Variants in AIRE observed in about 807,000 individuals in gnomAD.
AIRE encodes autoimmune regulator.
In AIRE, 52 loss-of-function variants were observed where a neutral mutation model predicts 62.1. The observed-to-expected ratio is 0.84, with a 90% CI of 0.67 to 1.06. The LOEUF (loss-of-function observed/expected upper bound fraction) is 1.06. Among genes scored for constraint, AIRE ranks in the 50% least tolerant of loss-of-function variants. The pLI, the probability that AIRE is intolerant of heterozygous loss-of-function variation, is 0.00. For missense variants in AIRE, 774 were observed against 755.8 expected (o/e 1.02, Z -0.28); for synonymous variants, 342 against 321.6 (o/e 1.06, Z -0.68).
rs1361572293 is a variant in AIRE, at chr21:44,287,543, A to G, written c.490A>G (p.Lys164Glu). ...PGSQLKAKPP[K>E]KPESSAEQQR... ...CTCTCAACTGAAGGCCAAGCCCCCC[A>G]AGAAGCCGGAGAGCAGCGCAGAGCA... is the stretch of plus-strand genomic sequence containing the variant. Residue 164 changes from lysine to glutamate, a missense_variant, in exon 4 of 14, where the codon AAG (lysine) becomes GAG (glutamate). Around this residue, in one of 3 missense-constraint regions of AIRE, gnomAD observed 385 missense variants for 396.0 expected, o/e 0.97. Coordinates refer to ENST00000291582, the MANE Select transcript of AIRE (RefSeq NM_000383.4). This position sits in a 1 kb window ranked among gnomAD's most constrained non-coding sequence, Gnocchi z 4.3. 1 of 1,558,474 alleles carries G rather than the reference A, an allele frequency of 6.4e-7. No homozygotes were observed. Among genetic ancestry groups the G allele is most frequent in the Admixed American group, 1.9e-5 (1 of 52,028 alleles).
Position 44,286,003 on chromosome 21 carries a change from C to T in AIRE, c.-4C>T, listed in dbSNP as rs1004208577. ...CCCCAGCCCCGGGTCCCCGCGCCCACCCCATGGCGACGGACGCGGCGCTAC... is the reference window on the plus strand; with the variant it reads ...CCCCAGCCCCGGGTCCCCGCGCCCATCCCATGGCGACGGACGCGGCGCTAC... On this transcript the variant is annotated 5_prime_UTR_variant, in exon 1 of 14. Coordinates refer to ENST00000291582, the MANE Select transcript of AIRE (RefSeq NM_000383.4). The surrounding 1 kb of genome is among the most constrained non-coding windows in gnomAD (Gnocchi z 6.0). 6.5e-7 allele frequency: 1 copy of T among 1,530,102 alleles called. No homozygotes were observed. Among genetic ancestry groups the T allele is most frequent in the Admixed American group, 2.0e-5 (1 of 50,758 alleles). The allele number at this position is 1,530,102 out of a possible 1,614,324, so 94.8% of individuals were successfully genotyped here.
In AIRE at chr21:44,286,693, A is replaced by G. The variant is rs179363883; in HGVS notation, c.269A>G (p.Tyr90Cys). Residue 90 changes from tyrosine (Y) to cysteine (C), a missense_variant, in exon 2 of 14, where the codon TAT becomes TGT. By Grantham distance (194) the Tyr-to-Cys change is radical. Coordinates refer to ENST00000291582, the MANE Select transcript of AIRE (RefSeq NM_000383.4). The surrounding 1 kb of genome is among the most constrained non-coding windows in gnomAD (Gnocchi z 6.0). ...VLFKDYNLER[Y>C]GRLQPILDSF... The stretch of plus-strand genomic sequence containing the variant: ...TTCAAGGACTACAACCTGGAGCGCT[A>G]TGGCCGGCTGCAGCCCATCCTGGAC... The G allele has an allele frequency of 3.7e-6, 6 of 1,613,012 alleles. 1 individual carries two copies. The highest frequency in any genetic ancestry group is 8.5e-7 in the Non-Finnish European group (1 of 1,180,000).
intron 4 of AIRE, 79 bp from the exon 5 acceptor site, chr21:44,288,266 C>A: frequency 1.7e-6 from 2 of 1,202,924 alleles, no homozygotes; most frequent in Non-Finnish European, 2.5e-6. Context: ...CAGCCCAGTG[C>A]TGCCTGCTTC....
At position 44,297,241 on chromosome 21, in the gene AIRE, T is replaced by G. The variant is rs1424595720; in HGVS notation, c.1567-415T>G. Among the ~76,000 whole-genome samples, 1 of 152,202 alleles carries G rather than the reference T, an allele frequency of 6.6e-6. No homozygotes were observed. Among genetic ancestry groups the G allele is most frequent in the East Asian group, 1.9e-4 (1 of 5,188 alleles). ...GGGTGGCGGTCTTATTCTGCTGGCA[T>G]CGTGGGGCCCGTGGCCCCATCCTGT... On this transcript the variant is annotated intron_variant, in intron 13 of 13. Transcript: ENST00000291582. The surrounding 1 kb of genome is among the most constrained non-coding windows in gnomAD (Gnocchi z 4.8).
chr21:44,297,551 G>T lies in AIRE; in HGVS notation c.1567-105G>T. 1 of 1,112,230 alleles carries T rather than the reference G, an allele frequency of 9.0e-7. No individual in the cohort carries two copies. The highest frequency in any genetic ancestry group is 1.3e-5 in the South Asian group (1 of 77,636). 68.9% of individuals were successfully genotyped at this position (1,112,230 alleles called of 1,614,324 possible). A position where few individuals can be genotyped will look rare whatever the true frequency, so the allele number is the denominator to read the frequency against. On this transcript the variant is annotated intron_variant, in intron 13 of 13. Transcript: ENST00000291582. The surrounding 1 kb of genome is among the most constrained non-coding windows in gnomAD (Gnocchi z 4.8). Reference sequence around the variant, plus strand: ...CTCGGGCCTCAGTTTCCCCACCTTTGACTTAGAGGGAAGGTTGGATGGTGA... The same window carrying T: ...CTCGGGCCTCAGTTTCCCCACCTTTTACTTAGAGGGAAGGTTGGATGGTGA...
Position 44,291,319 on chromosome 21 carries a change from A to G in AIRE, c.995+109A>G, listed in dbSNP as rs1078480. On this transcript the variant is annotated intron_variant, in intron 8 of 13. Coordinates refer to ENST00000291582, the MANE Select transcript of AIRE (RefSeq NM_000383.4). ...CAAGCCTCTCCCATCCAAGATGGAA[A>G]GGGGTTCTGAGTCAGGTCACTGGGC... The G allele has an allele frequency of 0.41, 615,324 of 1,488,640 alleles. 132,415 individuals carry two copies. Among genetic ancestry groups the G allele is most frequent in the African/African-American group, 0.72 (51,835 of 72,072 alleles). 92.2% of individuals were successfully genotyped at this position (1,488,640 alleles called of 1,614,324 possible). A position where few individuals can be genotyped will look rare whatever the true frequency, so the allele number is the denominator to read the frequency against.
At position 44,286,911 on chromosome 21, in the gene AIRE, C is replaced by T; in HGVS notation, c.308-67C>T. The T allele has an allele frequency of 1.2e-6, 2 of 1,608,516 alleles. No homozygotes were observed. The highest frequency in any genetic ancestry group is 1.7e-6 in the Non-Finnish European group (2 of 1,176,678). On this transcript the variant is annotated intron_variant, in intron 2 of 13. Transcript: ENST00000291582. The surrounding 1 kb of genome is among the most constrained non-coding windows in gnomAD (Gnocchi z 6.0). The stretch of plus-strand genomic sequence containing the variant: ...ACCTGTCTGGCCAAGGTGTCCAGTT[C>T]TGGGGCCCACCCTACCCCTGGAGAA...
At chr21:44,295,911 G>A (rs1176202154) in intron 12 of AIRE, among the ~76,000 whole-genome samples, 1 of 152,068 alleles carries the variant, frequency 6.6e-6, no homozygotes, top group East Asian at 1.9e-4. Flanking sequence ...GGCCACAAAT[G>A]GGGAATTCCA....
chr21:44,287,698 C>A lies in AIRE; in HGVS notation c.538+107C>A. 8.4e-7 allele frequency: 1 copy of A among 1,192,788 alleles called. No individual in the cohort carries two copies. The allele number at this position is 1,192,788 out of a possible 1,614,324, so 73.9% of individuals were successfully genotyped here. A position where few individuals can be genotyped will look rare whatever the true frequency, so the allele number is the denominator to read the frequency against. The stretch of plus-strand genomic sequence containing the variant: ...GAGACCCTGTCCTAGGGGCTGGGGA[C>A]GTGCTGGCCTGGTGTGTCATTCCAA... On this transcript the variant is annotated intron_variant, in intron 4 of 13. Coordinates refer to ENST00000291582, the MANE Select transcript of AIRE (RefSeq NM_000383.4). This position sits in a 1 kb window ranked among gnomAD's most constrained non-coding sequence, Gnocchi z 4.3.
intron 12 of AIRE, 103 bp from the exon 13 acceptor site, chr21:44,296,280 C>G: frequency 9.6e-7 from 1 of 1,044,732 alleles, no homozygotes; most frequent in Non-Finnish European, 1.5e-6. Context: ...ATTCCCATCT[C>G]AGTGTGGGGG....
chr21:44,292,764 G>GC (rs1178426672), intron 9 of AIRE, among the ~76,000 whole-genome samples: 2 of 152,160 alleles, frequency 1.3e-5, no homozygotes, highest in Non-Finnish European at 1.5e-5. Flanking sequence ...GGGCCAGGGG[G>GC]CCCCCCGTGT....
In AIRE at chr21:44,287,029, A is replaced by G; in HGVS notation, c.359A>G (p.Lys120Arg). The G allele has an allele frequency of 1.2e-6, 2 of 1,612,714 alleles. No individual in the cohort carries two copies. Among genetic ancestry groups the G allele is most frequent in the Non-Finnish European group, 1.7e-6 (2 of 1,179,974 alleles). The change falls in exon 3 of 14, where the codon AAG becomes AGG. Residue 120 changes from lysine (K) to arginine (R), a missense_variant. By Grantham distance (26) the Lys-to-Arg change is conservative. This residue lies in a region of AIRE where 385 missense variants were observed against 396.0 expected (regional missense o/e 0.97). Coordinates refer to ENST00000291582, the MANE Select transcript of AIRE (RefSeq NM_000383.4). This position sits in a 1 kb window ranked among gnomAD's most constrained non-coding sequence, Gnocchi z 4.3. ...GGGAGGAAGCCCCCGGCCGTCCCCA[A>G]GGCTTTGGTACCGCCACCCAGACTC... ...RKGRKPPAVP[K>R]ALVPPPRLPT...
chr21:44,285,993 C>T lies in AIRE; in HGVS notation c.-14C>T. On this transcript the variant is annotated 5_prime_UTR_variant, in exon 1 of 14. Transcript: ENST00000291582. ...ACCGCGTCCGCCCCAGCCCCGGGTCCCCGCGCCCACCCCATGGCGACGGAC... is the reference window on the plus strand; with the variant it reads ...ACCGCGTCCGCCCCAGCCCCGGGTCTCCGCGCCCACCCCATGGCGACGGAC... The T allele has an allele frequency of 2.6e-6, 4 of 1,527,216 alleles. No individual in the cohort carries two copies. Among genetic ancestry groups the T allele is most frequent in the Non-Finnish European group, 2.6e-6 (3 of 1,142,272 alleles). 94.6% of individuals were successfully genotyped at this position (1,527,216 alleles called of 1,614,324 possible). A position where few individuals can be genotyped will look rare whatever the true frequency, so the allele number is the denominator to read the frequency against.
chr21:44,289,518 T>G, intron 5 of AIRE, 139 bp from the exon 6 acceptor site: 1 of 1,229,396 alleles, frequency 8.1e-7, no homozygotes, highest in East Asian at 2.4e-5. Context: ...CAGACTCGAC[T>G]GGGGTGGGGG....
Position 44,293,175 on chromosome 21 carries a change from G to A in AIRE, c.1278G>A (p.Gln426=). 6.4e-7 allele frequency: 1 copy of A among 1,554,182 alleles called. No individual in the cohort carries two copies. Among genetic ancestry groups the A allele is most frequent in the Non-Finnish European group, 8.7e-7 (1 of 1,148,118 alleles). ...TGTGTGTGGGTCCTGAGGGTCAGCA[G>A]GTGAGCGGGGAGTGGGGGTCAGGGT... ...PLLCVGPEGQ[Q]NLAPGARCGV... The change falls in exon 10 of 14, where the codon CAG becomes CAA. Residue 426 remains glutamine (Q), a splice_region_variant and synonymous_variant. Coordinates refer to ENST00000291582, the MANE Select transcript of AIRE (RefSeq NM_000383.4).
At position 44,296,366 on chromosome 21, in the gene AIRE, T is replaced by C. The variant is rs1038843356; in HGVS notation, c.1504-17T>C. The C allele has an allele frequency of 2.5e-6, 4 of 1,610,546 alleles. No individual in the cohort carries two copies. The highest frequency in any genetic ancestry group is 2.7e-5 in the African/African-American group (2 of 74,802). On this transcript the variant is annotated splice_polypyrimidine_tract_variant and intron_variant, in intron 12 of 13. Transcript: ENST00000291582. ...CTGTGGGAGTTGGGCTGACCTCTTC[T>C]CTTTACTGGGTTCCAGGATGACACT... is the stretch of plus-strand genomic sequence containing the variant.
At position 44,286,114 on chromosome 21, in the gene AIRE, C is replaced by T. The variant is rs758891043; in HGVS notation, c.108C>T (p.Asp36=). 5 of 1,547,020 alleles carry T rather than the reference C, an allele frequency of 3.2e-6. No homozygotes were observed. Among genetic ancestry groups the T allele is most frequent in the East Asian group, 2.4e-5 (1 of 40,862 alleles). The change falls in exon 1 of 14, where the codon GAC becomes GAT. Residue 36 remains aspartate (D), a synonymous_variant. Coordinates refer to ENST00000291582, the MANE Select transcript of AIRE (RefSeq NM_000383.4). This position sits in a 1 kb window ranked among gnomAD's most constrained non-coding sequence, Gnocchi z 6.0. ...FPLLHALADH[D]VVPEDKFQET... ...TGCTGCACGCGCTGGCTGACCACGA[C>T]GTGGTCCCCGAGGACAAGTTTCAGG...
At position 44,298,571 on chromosome 21, in the gene AIRE, G is replaced by T. The variant is rs2040641235; in HGVS notation, c.*844G>T. 6.6e-6 allele frequency: 1 copy of T among 152,324 alleles called. No homozygotes were observed. The highest frequency in any genetic ancestry group is 1.5e-5 in the Non-Finnish European group (1 of 68,120). The allele number at this position is 152,324 out of a possible 1,614,324, so 9.4% of individuals were successfully genotyped here. A position where few individuals can be genotyped will look rare whatever the true frequency, so the allele number is the denominator to read the frequency against. ...TGGGTGCTTCCACCTTTTGGCTGTT[G>T]TGAGTAATGCTGCTATGAATATGTG... is the stretch of plus-strand genomic sequence containing the variant. On this transcript the variant is annotated 3_prime_UTR_variant, in exon 14 of 14. Coordinates refer to ENST00000291582, the MANE Select transcript of AIRE (RefSeq NM_000383.4).
intron 4 of AIRE, 55 bp from the exon 5 acceptor site, chr21:44,288,290 G>A: frequency 7.3e-7 from 1 of 1,366,622 alleles, no homozygotes; most frequent in Non-Finnish European, 1.0e-6. Context: ...CATAGAGTAT[G>A]TGCTTGGGAA....
Sources: allele counts gnomAD v4.1 joint callset (sites outside exome capture counted in the v4.1 genomes callset), GRCh38; gene constraint gnomAD v4.1.1; regional missense constraint gnomAD v4.1.1; non-coding constraint Gnocchi (gnomAD v3.1); transcripts MANE v1.5; gene names NCBI Gene and HGNC (gene_info 2026-07-23, HGNC 2026-07-21).